OSBPL6: variants seen among roughly 807,000 people sequenced by gnomAD.
OSBPL6 encodes oxysterol binding protein like 6.
Under a neutral mutation model 125.8 loss-of-function variants are expected in OSBPL6, and 49 were observed. That is an observed-to-expected ratio of 0.39 (90% confidence interval 0.31 to 0.49). The LOEUF is 0.49. OSBPL6 is among the 20% of genes least tolerant of loss of function. OSBPL6 has a pLI of 0.88. For missense variants in OSBPL6, 986 were observed against 1,135.4 expected (o/e 0.87, Z 1.89); for synonymous variants, 394 against 391.8 (o/e 1.01, Z -0.07).
At chr2:178,328,986 T>C (rs1271205627) in intron 5 of OSBPL6, among the ~76,000 whole-genome samples, 4 of 152,196 alleles carry the variant, frequency 2.6e-5, no homozygotes, top group Non-Finnish European at 4.4e-5. Context: ...CTTTGAAATA[T>C]GAGGTATTTT....
chr2:178,300,367 G>T (rs1021377612), intron 2 of OSBPL6, among the ~76,000 whole-genome samples: 3 of 152,336 alleles, frequency 2.0e-5, no homozygotes, highest in Non-Finnish European at 2.9e-5. Context: ...AGACCATAGG[G>T]TCACTCTCAG....
At chr2:178,208,753 T>C (rs1040197031) in intron 1 of OSBPL6, among the ~76,000 whole-genome samples, 1 of 9,848 alleles carries the variant, frequency 1.0e-4, no homozygotes, top group African/African-American at 1.5e-4. Context: ...TTCTTCCCTC[T>C]TTCCCTCCTT....
At chr2:178,203,008 A>G (rs1340655816) in intron 1 of OSBPL6, among the ~76,000 whole-genome samples, 3 of 151,952 alleles carry the variant, frequency 2.0e-5, no homozygotes, top group African/African-American at 7.3e-5. Context: ...ATTTCTTCAC[A>G]CATGGTTTTC....
chr2:178,333,198 A>G (rs1435272467), intron 8 of OSBPL6, among the ~76,000 whole-genome samples, 157 bp downstream of exon 8: 1 of 152,162 alleles, frequency 6.6e-6, no homozygotes, highest in Non-Finnish European at 1.5e-5. Flanking sequence ...AGCCTGGGCA[A>G]CATGGTGAAA....
chr2:178,366,981 A>T (rs1180487488), intron 13 of OSBPL6, among the ~76,000 whole-genome samples: 1 of 152,256 alleles, frequency 6.6e-6, no homozygotes, highest in African/African-American at 2.4e-5. Flanking sequence ...GAAAACAATC[A>T]TGCACATATT....
chr2:178,218,672 C>T (rs2090196091), intron 1 of OSBPL6, among the ~76,000 whole-genome samples: 1 of 150,342 alleles, frequency 6.7e-6, no homozygotes, highest in Non-Finnish European at 1.5e-5. Context: ...CTCTGTTGCC[C>T]AGGCTGGAGG....
At position 178,349,332 on chromosome 2, in the gene OSBPL6, G is replaced by A; in HGVS notation, c.1096G>A (p.Glu366Lys). 2 of 1,614,134 alleles carry A rather than the reference G, an allele frequency of 1.2e-6. No homozygotes were observed. Among genetic ancestry groups the A allele is most frequent in the Non-Finnish European group, 8.5e-7 (1 of 1,180,022 alleles). ...TPPSHLTDPL[E>K]SSTDYTKLQE... ...CCCTAGCCACCTCACTGACCCTCTGGAAAGTTCAACAGATTATACAAAGCT... is the reference window on the plus strand; with the variant it reads ...CCCTAGCCACCTCACTGACCCTCTGAAAAGTTCAACAGATTATACAAAGCT... Residue 366 changes from glutamate (E) to lysine (K), a missense_variant, in exon 12 of 25, where the codon GAA (glutamate) becomes AAA (lysine). By Grantham distance (56) the Glu-to-Lys change is moderately conservative. Transcript: ENST00000190611.
intron 15 of OSBPL6, among the ~76,000 whole-genome samples, chr2:178,381,574 C>T (rs1381771633): frequency 5.3e-5 from 8 of 151,896 alleles, no homozygotes; most frequent in Non-Finnish European, 1.5e-5. Flanking sequence ...AGGATAGTCT[C>T]GATCTCCTCA....
At chr2:178,324,687 C>T (rs1413878704) in intron 4 of OSBPL6, among the ~76,000 whole-genome samples, 3 of 152,176 alleles carry the variant, frequency 2.0e-5, no homozygotes, top group Non-Finnish European at 4.4e-5. Flanking sequence ...TCTATTATCC[C>T]ATTTAATATA....
In OSBPL6 at chr2:178,265,191, CTTTTTTTTTTTT is replaced by C. The variant is rs376718500; in HGVS notation, c.-350-19709_-350-19698del. Among the ~76,000 whole-genome samples, 141 of 33,714 alleles carry C rather than the reference CTTTTTTTTTTTT, an allele frequency of 4.2e-3. 1 individual carries two copies. The highest frequency in any genetic ancestry group is 0.037 in the East Asian group (38 of 1,028). The allele number at this position is 33,714 out of a possible 152,430, so 22.1% of individuals were successfully genotyped here. A position where few individuals can be genotyped will look rare whatever the true frequency, so the allele number is the denominator to read the frequency against. On this transcript the variant is annotated intron_variant, in intron 1 of 24. Coordinates refer to ENST00000190611, the MANE Select transcript of OSBPL6 (RefSeq NM_032523.4). ...GTCACTTCCCCTGGCCCAGACGAGA[CTTTTTTTTTTTT>C]TTTTTTTTTTTTTTTTTTTTTTTTT...
chr2:178,288,680 C>T (rs1297283166), intron 2 of OSBPL6, among the ~76,000 whole-genome samples: 1 of 149,986 alleles, frequency 6.7e-6, no homozygotes, highest in East Asian at 1.9e-4. Context: ...GGGAGTTTCG[C>T]TCTTGTTGCC....
rs147077303 is a variant in OSBPL6, at chr2:178,366,646, A to G, written c.1287+4831A>G. On this transcript the variant is annotated intron_variant, in intron 13 of 24. Transcript: ENST00000190611. ...AATTGAAGCAAAAAAATTGCTTAAC[A>G]TACTATATAGTAGCATAATGTAAAA... Among the ~76,000 whole-genome samples the G allele has an allele frequency of 6.1e-3, 925 of 152,350 alleles. 4 individuals are homozygous for G. Among genetic ancestry groups the G allele is most frequent in the Non-Finnish European group, 9.6e-3 (655 of 68,034 alleles).
intron 1 of OSBPL6, among the ~76,000 whole-genome samples, chr2:178,260,391 A>G (rs1205975656): frequency 1.3e-5 from 2 of 152,088 alleles, no homozygotes; most frequent in Non-Finnish European, 2.9e-5. Flanking sequence ...GTGTATGTGT[A>G]TGTGTATGTA....
intron 1 of OSBPL6, among the ~76,000 whole-genome samples, chr2:178,257,142 A>C (rs942649238): frequency 6.6e-6 from 1 of 152,202 alleles, no homozygotes; most frequent in Non-Finnish European, 1.5e-5. Flanking sequence ...CCCCAATGTA[A>C]TTCTGTATAA....
intron 15 of OSBPL6, among the ~76,000 whole-genome samples, chr2:178,377,574 C>T (rs1234616396): frequency 1.3e-5 from 2 of 152,170 alleles, no homozygotes; most frequent in Non-Finnish European, 2.9e-5. Context: ...GGTGAGTTGA[C>T]TATACATGTG....
At chr2:178,254,605 T>C (rs62177255) in intron 1 of OSBPL6, among the ~76,000 whole-genome samples, 19,043 of 152,256 alleles carry the variant, frequency 0.13, 1,440 homozygotes, top group Admixed American at 0.21. Flanking sequence ...TCCTGTATTT[T>C]GTTTGGCACC....
At chr2:178,364,191 A>G (rs1234889490) in intron 13 of OSBPL6, among the ~76,000 whole-genome samples, 2 of 152,182 alleles carry the variant, frequency 1.3e-5, no homozygotes, top group African/African-American at 4.8e-5. Flanking sequence ...AGGAAGAATT[A>G]CTCTTAAGAG....
At chr2:178,199,168 A>T (rs1032698498) in intron 1 of OSBPL6, among the ~76,000 whole-genome samples, 1 of 152,222 alleles carries the variant, frequency 6.6e-6, no homozygotes, top group African/African-American at 2.4e-5. Context: ...ATTAATCCCT[A>T]TGTGTGATTA....
rs186894710 is a variant in OSBPL6 at position 178,392,440 on chromosome 2, C to T, written c.2475C>T (p.Tyr825=). 12 of 1,614,020 alleles carry T rather than the reference C, an allele frequency of 7.4e-6. No homozygotes were observed. Among genetic ancestry groups the T allele is most frequent in the Middle Eastern group, 1.6e-4 (1 of 6,062 alleles). The change falls in exon 23 of 25, where the codon TAC becomes TAT. Residue 825 remains tyrosine (Y), a synonymous_variant. Coordinates refer to ENST00000190611, the MANE Select transcript of OSBPL6 (RefSeq NM_032523.4). ...CCATGCCAACAAACTATGAGCTGTA[C>T]TATGGCTTCACAAGGTTTGCTATTG... The part of the protein sequence containing the change: ...PGSMPTNYEL[Y]YGFTRFAIEL...
Sources: allele counts gnomAD v4.1 joint callset (sites outside exome capture counted in the v4.1 genomes callset), GRCh38; gene constraint gnomAD v4.1.1; transcripts MANE v1.5; gene names NCBI Gene and HGNC (gene_info 2026-07-23, HGNC 2026-07-21).